The following LUZP2 variants were observed in gnomAD, a reference collection of about 807,000 sequenced individuals.
LUZP2 encodes leucine zipper protein 2.
Under a neutral mutation model 51.6 loss-of-function variants are expected in LUZP2, and 52 were observed. The observed-to-expected ratio is 1.01, with a 90% CI of 0.81 to 1.27. LUZP2 has a LOEUF of 1.27. Ranked by LOEUF, LUZP2 falls within the 50% of genes most tolerant of loss-of-function variation. The pLI is 0.00. For missense variants in LUZP2, 436 were observed against 395.4 expected (o/e 1.10, Z -0.87); for synonymous variants, 154 against 137.3 (o/e 1.12, Z -0.85).
intron 1 of LUZP2, among the ~76,000 whole-genome samples, chr11:24,602,389 C>T (rs5027714): frequency 0.027 from 2,468 of 92,712 alleles, 85 homozygotes; most frequent in African/African-American, 0.12. Context: ...TATATATATA[C>T]ACACACACAC....
chr11:25,003,950 G>C (rs1856764054), intron 9 of LUZP2, among the ~76,000 whole-genome samples: 1 of 152,180 alleles, frequency 6.6e-6, no homozygotes, highest in South Asian at 2.1e-4. Context: ...AGAAATACCT[G>C]TTTACAGGCT....
intron 1 of LUZP2, among the ~76,000 whole-genome samples, chr11:24,664,231 A>G (rs1159065379): frequency 1.3e-5 from 2 of 152,228 alleles, no homozygotes; most frequent in East Asian, 3.9e-4. Flanking sequence ...AGACTTGTTA[A>G]ATGGCTTTAG....
intron 7 of LUZP2, among the ~76,000 whole-genome samples, chr11:24,966,094 A>T (rs565882544): frequency 2.0e-5 from 3 of 151,892 alleles, no homozygotes; most frequent in African/African-American, 7.2e-5. Flanking sequence ...TATCTGATAA[A>T]TAATTAGGTT....
intron 10 of LUZP2, among the ~76,000 whole-genome samples, chr11:25,054,730 G>T (rs1376453315): frequency 6.6e-6 from 1 of 151,478 alleles, no homozygotes; most frequent in Non-Finnish European, 1.5e-5. Flanking sequence ...TTTAATTTTA[G>T]TGGTTACCAT....
At chr11:24,976,723 A>C in intron 8 of LUZP2, 58 bp downstream of exon 8, 1 of 881,886 alleles carries the variant, frequency 1.1e-6, no homozygotes, top group Non-Finnish European at 1.7e-6. Context: ...AAAAAAAAAA[A>C]AAAAAAAGTT....
intron 9 of LUZP2, among the ~76,000 whole-genome samples, chr11:25,014,155 G>C (rs1159310088): frequency 2.0e-5 from 3 of 152,102 alleles, no homozygotes; most frequent in African/African-American, 7.2e-5. Flanking sequence ...ATCATTGTTG[G>C]ACATTTGGGT....
intron 9 of LUZP2, among the ~76,000 whole-genome samples, chr11:25,049,721 G>A (rs1590876243): frequency 6.6e-6 from 1 of 151,910 alleles, no homozygotes; most frequent in Admixed American, 6.6e-5. Flanking sequence ...TATACTTTGT[G>A]GGGGACTAGA....
At chr11:25,054,641 G>A (rs968719996) in intron 10 of LUZP2, among the ~76,000 whole-genome samples, 7 of 151,918 alleles carry the variant, frequency 4.6e-5, no homozygotes, top group Non-Finnish European at 8.8e-5. Context: ...ACACAAACAT[G>A]AGTTCATTTC....
At chr11:24,891,818 G>A (rs1422512780) in intron 5 of LUZP2, 2 of 976,700 alleles carry the variant, frequency 2.0e-6, no homozygotes, top group African/African-American at 3.5e-5. Flanking sequence ...AACAAATTGG[G>A]ATACGCTGCA....
At chr11:24,958,388 A>G (rs1441310087) in intron 7 of LUZP2, among the ~76,000 whole-genome samples, 1 of 152,010 alleles carries the variant, frequency 6.6e-6, no homozygotes, top group African/African-American at 2.4e-5. Flanking sequence ...AAGTGTTCCT[A>G]TTTCTCCACA....
chr11:24,911,636 CAATT>C (rs769170209), intron 6 of LUZP2, among the ~76,000 whole-genome samples: 37 of 152,140 alleles, frequency 2.4e-4, no homozygotes, highest in Non-Finnish European at 8.8e-5. Context: ...AACTCGGAGT[CAATT>C]AAGCTTCTTT....
At chr11:24,766,513 C>T (rs577863721) in intron 5 of LUZP2, among the ~76,000 whole-genome samples, 1 of 152,130 alleles carries the variant, frequency 6.6e-6, no homozygotes, top group African/African-American at 2.4e-5. Flanking sequence ...CATTAAAACT[C>T]TTATGCTTTT....
intron 10 of LUZP2, among the ~76,000 whole-genome samples, chr11:25,073,199 T>A (rs1464317455): frequency 6.6e-6 from 1 of 152,164 alleles, no homozygotes; most frequent in Non-Finnish European, 1.5e-5. Context: ...TTATCTAGAT[T>A]TTGCTTTAAA....
chr11:24,622,375 G>A (rs937101193), intron 1 of LUZP2, among the ~76,000 whole-genome samples: 1 of 151,738 alleles, frequency 6.6e-6, no homozygotes, highest in African/African-American at 2.4e-5. Context: ...GGGAACATGC[G>A]GTGTTTGTTT....
At chr11:24,811,958 A>T (rs1179158558) in intron 5 of LUZP2, among the ~76,000 whole-genome samples, 1 of 152,158 alleles carries the variant, frequency 6.6e-6, no homozygotes, top group Non-Finnish European at 1.5e-5. Flanking sequence ...GGAACCTGAG[A>T]AACTATGTAA....
rs1039532881 is a variant in LUZP2 at position 24,845,189 on chromosome 11, G to C, written c.397-60802G>C. Reference sequence around the variant, plus strand: ...CCCTGTGAAGCAGAGGTGTGGAGCTGCCTAAGACCATGGGAACCCATCCCT... The same window carrying C: ...CCCTGTGAAGCAGAGGTGTGGAGCTCCCTAAGACCATGGGAACCCATCCCT... On this transcript the variant is annotated intron_variant, in intron 5 of 11. Transcript: ENST00000336930. Among the ~76,000 whole-genome samples, 210 of 152,320 alleles carry C rather than the reference G, an allele frequency of 1.4e-3. 1 individual carries two copies. The highest frequency in any genetic ancestry group is 4.9e-3 in the African/African-American group (205 of 41,576).
intron 1 of LUZP2, among the ~76,000 whole-genome samples, chr11:24,558,013 A>T (rs1851921222): frequency 6.6e-6 from 1 of 152,068 alleles, no homozygotes; most frequent in Non-Finnish European, 1.5e-5. Flanking sequence ...GTGGGGGAAA[A>T]TCTGCCCTCA....
rs367671529 is a variant in LUZP2 at position 24,998,284 on chromosome 11, C to G, written c.765+14991C>G. 5.3e-5 allele frequency among the ~76,000 whole-genome samples: 8 copies of G among 152,272 alleles called. 1 individual carries two copies. Among genetic ancestry groups the G allele is most frequent in the African/African-American group, 1.9e-4 (8 of 41,540 alleles). ...ATGTTCTTCCATTTGTTTGTATCCTCTTTTATTTCATTGAGCAGTGGTTTG... is the reference window on the plus strand; with the variant it reads ...ATGTTCTTCCATTTGTTTGTATCCTGTTTTATTTCATTGAGCAGTGGTTTG... On this transcript the variant is annotated intron_variant, in intron 9 of 11. Transcript: ENST00000336930.
chr11:24,911,200 C>G (rs1182547792), intron 6 of LUZP2, among the ~76,000 whole-genome samples: 1 of 152,042 alleles, frequency 6.6e-6, no homozygotes, highest in Non-Finnish European at 1.5e-5. Flanking sequence ...TTTACAGGCT[C>G]ATAGGCAGAA....
Sources: allele counts gnomAD v4.1 joint callset (sites outside exome capture counted in the v4.1 genomes callset), GRCh38; gene constraint gnomAD v4.1.1; transcripts MANE v1.5; gene names NCBI Gene and HGNC (gene_info 2026-07-23, HGNC 2026-07-21).